DNAH9: variants seen among roughly 807,000 people sequenced by gnomAD.
DNAH9 encodes the protein dynein axonemal heavy chain 9.
Under a neutral mutation model 471.6 loss-of-function variants are expected in DNAH9, and 345 were observed. That is an observed-to-expected ratio of 0.73 (90% CI 0.67 to 0.80). The LOEUF (loss-of-function observed/expected upper bound fraction) is 0.80. Among genes scored for constraint, DNAH9 ranks in the 30% least tolerant of loss-of-function variants. The pLI is 0.00. For missense variants in DNAH9, 5,407 were observed against 5,609.2 expected, an observed-to-expected ratio of 0.96 and a Z score of 1.15; for synonymous variants, 2,093 against 2,123.6, an observed-to-expected ratio of 0.99 and a Z score of 0.40.
At chr17:11,798,916 A>C (rs895963244) in intron 43 of DNAH9, among the ~76,000 whole-genome samples, 1 of 151,836 alleles carries the variant, frequency 6.6e-6, no homozygotes, top group African/African-American at 2.4e-5. Context: ...TACCCTTCAA[A>C]ACCCCAGTTC....
intron 62 of DNAH9, among the ~76,000 whole-genome samples, chr17:11,928,629 G>C (rs537641477): frequency 4.6e-5 from 7 of 152,202 alleles, no homozygotes; most frequent in African/African-American, 7.2e-5. Flanking sequence ...GAGGAGACAG[G>C]CTCAAAGACC....
Position 11,854,241 on chromosome 17 carries a change from A to C in DNAH9, c.9746A>C (p.Glu3249Ala), listed in dbSNP as rs761154979. Residue 3249 changes from glutamate to alanine, a missense_variant, in exon 50 of 69, where the codon GAG becomes GCG. By Grantham distance (107) the Glu-to-Ala change is moderately radical. Transcript: ENST00000262442. ...ATCAGGCCGTATCTGCAAGACCCCG[A>C]GTTCAATCCTGAGTTTGTGGCCACC... ...KAIRPYLQDP[E>A]FNPEFVATKS... 6.2e-7 allele frequency: 1 copy of C among 1,614,144 alleles called. No homozygotes were observed. Among genetic ancestry groups the C allele is most frequent in the Admixed American group, 1.7e-5 (1 of 60,008 alleles).
In DNAH9 at chr17:11,694,496, C is replaced by A. The variant is rs751545466; in HGVS notation, c.4872+49C>A. On this transcript the variant is annotated intron_variant, in intron 22 of 68. Transcript: ENST00000262442. ...AAAGGTCTAGGAGGGCTGAGGGGTG[C>A]CCAGCAGGAGGCAGTTTCTGGCTCC... is the stretch of plus-strand genomic sequence containing the variant. 3.1e-6 allele frequency: 5 copies of A among 1,607,148 alleles called. No individual in the cohort carries two copies. The Admixed American group carries it at 5.0e-5, about 16-fold the overall frequency.
intron 14 of DNAH9, among the ~76,000 whole-genome samples, chr17:11,663,999 A>T (rs1160036642): frequency 8.5e-5 from 13 of 152,244 alleles, no homozygotes; most frequent in Non-Finnish European, 1.9e-4. Context: ...ATAACATGGC[A>T]ATACACCCTG....
intron 17 of DNAH9, among the ~76,000 whole-genome samples, chr17:11,672,171 A>G (rs75816531): frequency 0.035 from 5,334 of 152,298 alleles, 315 homozygotes; most frequent in African/African-American, 0.12. Context: ...ATTCACTGCC[A>G]GAAGTCCAAC....
chr17:11,880,611 G>A (rs549395274), intron 54 of DNAH9, among the ~76,000 whole-genome samples: 1 of 152,222 alleles, frequency 6.6e-6, no homozygotes, highest in Non-Finnish European at 1.5e-5. Context: ...TCATGATGAG[G>A]GCTTAGCAAG....
chr17:11,962,266 G>C lies in DNAH9; in HGVS notation c.13233+10G>C. 1 of 1,579,556 alleles carries C rather than the reference G, an allele frequency of 6.3e-7. No individual in the cohort carries two copies. Among genetic ancestry groups the C allele is most frequent in the Non-Finnish European group, 8.6e-7 (1 of 1,163,512 alleles). On this transcript the variant is annotated intron_variant, in intron 68 of 68. Transcript: ENST00000262442. The surrounding 1 kb of genome is among the most constrained non-coding windows in gnomAD (Gnocchi z 4.1). ...CTGCTGGGACACACAGGTAAAGCTT[G>C]GAATGAACCAAAGGGCAGCTTTCTG...
chr17:11,614,684 C>G (rs2072706524), intron 4 of DNAH9, among the ~76,000 whole-genome samples: 2 of 152,138 alleles, frequency 1.3e-5, no homozygotes, highest in Admixed American at 6.5e-5. Context: ...GGTTGGGTGT[C>G]CGGTGAGGGC....
chr17:11,694,587 T>G (rs1234204333), intron 22 of DNAH9, 140 bp downstream of exon 22: 1 of 697,510 alleles, frequency 1.4e-6, no homozygotes. Context: ...CCCAGCATCA[T>G]CACATACCTC....
chr17:11,929,357 C>T (rs1000777171), intron 62 of DNAH9, among the ~76,000 whole-genome samples: 2 of 152,124 alleles, frequency 1.3e-5, no homozygotes, highest in Non-Finnish European at 2.9e-5. Flanking sequence ...AAATTGTGGT[C>T]TCCAGACCAG....
At chr17:11,799,324 C>T (rs1034015444) in intron 43 of DNAH9, among the ~76,000 whole-genome samples, 1 of 152,052 alleles carries the variant, frequency 6.6e-6, no homozygotes, top group Non-Finnish European at 1.5e-5. Context: ...TATCTCTCCC[C>T]CTACCATGTC....
chr17:11,734,539 C>G (rs2075315713), intron 28 of DNAH9, among the ~76,000 whole-genome samples: 1 of 152,208 alleles, frequency 6.6e-6, no homozygotes, highest in Non-Finnish European at 1.5e-5. Context: ...TCAAGACCCC[C>G]AAGACTGAGG....
intron 17 of DNAH9, among the ~76,000 whole-genome samples, chr17:11,678,759 G>C (rs1368069892): frequency 6.6e-6 from 1 of 151,864 alleles, no homozygotes. Flanking sequence ...GGGCTTTCTT[G>C]ATCTTACATT....
intron 19 of DNAH9, among the ~76,000 whole-genome samples, chr17:11,686,026 G>A (rs113824753): frequency 0.024 from 3,667 of 151,896 alleles, 151 homozygotes; most frequent in African/African-American, 0.083. Context: ...GGATGGTCTC[G>A]ATTTCCTGAC....
intron 25 of DNAH9, among the ~76,000 whole-genome samples, chr17:11,704,772 G>A (rs143472728): frequency 3.0e-4 from 45 of 152,182 alleles, no homozygotes; most frequent in Middle Eastern, 3.4e-3. Context: ...TAGTAGAGAC[G>A]GGGTTTCTCC....
intron 22 of DNAH9, among the ~76,000 whole-genome samples, 173 bp downstream of exon 22, chr17:11,694,620 T>TGC (rs1436624657): frequency 0.018 from 100 of 5,698 alleles, 16 homozygotes; most frequent in Middle Eastern, 0.25. Context: ...CTTTCTTGCT[T>TGC]TCTTGCTTTC....
intron 48 of DNAH9, among the ~76,000 whole-genome samples, chr17:11,833,018 C>T (rs1970727201): frequency 6.6e-6 from 1 of 152,198 alleles, no homozygotes; most frequent in Admixed American, 6.5e-5. Context: ...TGATTCAGTA[C>T]ATCTGGATTA....
intron 14 of DNAH9, among the ~76,000 whole-genome samples, chr17:11,656,728 C>G (rs1371321028): frequency 6.6e-6 from 1 of 152,138 alleles, no homozygotes; most frequent in Non-Finnish European, 1.5e-5. Context: ...AGAAAGTTCA[C>G]CTGTCCCTCT....
Position 11,644,630 on chromosome 17 carries a change from G to A in DNAH9, c.1902-1G>A, listed in dbSNP as rs1237573420. 3 of 1,607,024 alleles carry A rather than the reference G, an allele frequency of 1.9e-6. No homozygotes were observed. The highest frequency in any genetic ancestry group is 2.2e-5 in the South Asian group (2 of 90,662). ...TCACTTTTTCTCTTTTGTACGAGTAGTTGCATGGAATCTGCAGAAGGAAAG... is the reference window on the plus strand; with the variant it reads ...TCACTTTTTCTCTTTTGTACGAGTAATTGCATGGAATCTGCAGAAGGAAAG... On this transcript the variant is annotated splice_acceptor_variant, in intron 10 of 68. Transcript: ENST00000262442. LOFTEE classifies it high-confidence loss of function.
Sources: gnomAD v4.1 joint callset for allele counts (sites outside exome capture counted in the v4.1 genomes callset) on GRCh38, gnomAD v4.1.1 for gene constraint, Gnocchi (gnomAD v3.1) non-coding constraint, MANE v1.5 for transcripts, NCBI Gene and HGNC (gene_info 2026-07-23, HGNC 2026-07-21) for gene names.